TTLL11: variants seen among roughly 807,000 people sequenced by gnomAD.
TTLL11 encodes tubulin tyrosine ligase like 11.
In TTLL11, 42 loss-of-function variants were observed where a neutral mutation model predicts 51.7. The observed-to-expected ratio is 0.81, with a 90% CI of 0.64 to 1.05. The LOEUF (loss-of-function observed/expected upper bound fraction) is 1.05, where lower values mean the gene tolerates loss of function less well. Ranked by LOEUF, TTLL11 falls within the 50% of genes least tolerant of loss-of-function variation. TTLL11 has a pLI of 0.00. For synonymous variants in TTLL11, 381 were observed against 383.5 expected, an observed-to-expected ratio of 0.99 and a Z score of 0.08; for missense variants, 799 against 940.4, an observed-to-expected ratio of 0.85 and a Z score of 1.97.
At chr9:121,979,777 C>G (rs1390866100) in intron 4 of TTLL11, among the ~76,000 whole-genome samples, 2 of 152,072 alleles carry the variant, frequency 1.3e-5, no homozygotes, top group Middle Eastern at 3.2e-3. Flanking sequence ...CAAAATGAAG[C>G]CCAAGTCCCA....
chr9:121,940,898 A>G (rs1041327759), intron 6 of TTLL11, among the ~76,000 whole-genome samples: 1 of 152,232 alleles, frequency 6.6e-6, no homozygotes, highest in African/African-American at 2.4e-5. Context: ...TTTATTCACC[A>G]TCAAACCTAG....
intron 1 of TTLL11, among the ~76,000 whole-genome samples, chr9:122,084,388 C>G (rs1365516456): frequency 1.3e-5 from 2 of 152,112 alleles, no homozygotes; most frequent in Non-Finnish European, 2.9e-5. Flanking sequence ...AACACGCATG[C>G]AAATGGCAGC....
intron 3 of TTLL11, among the ~76,000 whole-genome samples, chr9:122,007,932 T>C (rs1588200465): frequency 1.3e-5 from 2 of 152,262 alleles, no homozygotes; most frequent in East Asian, 3.9e-4. Flanking sequence ...AGCCAAATGA[T>C]TAAAGTTGAC....
At chr9:121,931,604 AAG>A in intron 6 of TTLL11, among the ~76,000 whole-genome samples, 1 of 149,930 alleles carries the variant, frequency 6.7e-6, no homozygotes, top group Non-Finnish European at 1.5e-5. Flanking sequence ...AAAAAAAAAA[AAG>A]AAAAGAAAAG....
intron 3 of TTLL11, among the ~76,000 whole-genome samples, chr9:122,021,841 G>A (rs918512577): frequency 7.9e-5 from 12 of 152,076 alleles, no homozygotes; most frequent in African/African-American, 2.9e-4. Flanking sequence ...CCACAATGAA[G>A]AGAAAAATCA....
chr9:122,057,177 G>C (rs1845309641), intron 1 of TTLL11, among the ~76,000 whole-genome samples: 1 of 152,146 alleles, frequency 6.6e-6, no homozygotes, highest in Non-Finnish European at 1.5e-5. Context: ...GCATTTTACT[G>C]CCTGTAGATT....
intron 4 of TTLL11, among the ~76,000 whole-genome samples, chr9:121,981,667 T>G (rs536977802): frequency 3.7e-4 from 56 of 152,364 alleles, no homozygotes; most frequent in African/African-American, 1.2e-3. Context: ...GTCTTTCTTT[T>G]AAAGTGCTGG....
intron 4 of TTLL11, among the ~76,000 whole-genome samples, chr9:121,986,356 T>C (rs1588177895): frequency 6.6e-6 from 1 of 152,340 alleles, no homozygotes; most frequent in Non-Finnish European, 1.5e-5. Context: ...GCCCACATGA[T>C]AGTCCTAGAA....
chr9:121,844,183 C>T (rs994263146), intron 8 of TTLL11, among the ~76,000 whole-genome samples: 1 of 152,078 alleles, frequency 6.6e-6, no homozygotes, highest in Non-Finnish European at 1.5e-5. Flanking sequence ...ACCTTATCAC[C>T]ACATCAGCAG....
At chr9:121,925,542 C>G (rs1840698496) in intron 6 of TTLL11, among the ~76,000 whole-genome samples, 1 of 152,102 alleles carries the variant, frequency 6.6e-6, no homozygotes, top group Non-Finnish European at 1.5e-5. Context: ...TCTCCTCTTC[C>G]TCAAATGAGC....
intron 7 of TTLL11, 119 bp downstream of exon 7, chr9:121,870,378 G>C (rs1184046800): frequency 1.6e-6 from 2 of 1,283,170 alleles, no homozygotes; most frequent in Non-Finnish European, 2.1e-6. Context: ...AGCTCAAATG[G>C]GGTACTGACC....
At chr9:121,962,547 T>C (rs1371918760) in intron 6 of TTLL11, among the ~76,000 whole-genome samples, 1 of 152,242 alleles carries the variant, frequency 6.6e-6, no homozygotes, top group African/African-American at 2.4e-5. Flanking sequence ...GGTTAAACCA[T>C]ATGACATTGC....
chr9:121,971,660 G>A (rs1034367780), intron 6 of TTLL11, among the ~76,000 whole-genome samples: 3 of 143,168 alleles, frequency 2.1e-5, no homozygotes, highest in East Asian at 2.0e-4. Context: ...TTGAGAAATC[G>A]GATGGTTGCC....
At chr9:122,079,716 A>G in intron 1 of TTLL11, among the ~76,000 whole-genome samples, 1 of 152,094 alleles carries the variant, frequency 6.6e-6, no homozygotes, top group East Asian at 1.9e-4. Flanking sequence ...CTCAAAAAAA[A>G]AAAAAGAAAT....
chr9:121,894,026 C>T (rs555201196), intron 6 of TTLL11, among the ~76,000 whole-genome samples: 4 of 152,290 alleles, frequency 2.6e-5, no homozygotes, highest in Admixed American at 6.5e-5. Context: ...CTGGATTCCA[C>T]GTTTCACCAA....
intron 6 of TTLL11, among the ~76,000 whole-genome samples, chr9:121,906,189 A>G (rs1341542204): frequency 6.6e-6 from 1 of 152,138 alleles, no homozygotes; most frequent in African/African-American, 2.4e-5. Context: ...ATCTCTAATT[A>G]TTTTTTAGAC....
At chr9:121,870,360 C>T in intron 7 of TTLL11, 137 bp downstream of exon 7, 2 of 1,150,022 alleles carry the variant, frequency 1.7e-6, no homozygotes, top group Non-Finnish European at 2.4e-6. Flanking sequence ...AGCCACTAGG[C>T]TAATCCAAGC....
chr9:121,969,678 C>T (rs1209144882), intron 6 of TTLL11, among the ~76,000 whole-genome samples: 1 of 152,134 alleles, frequency 6.6e-6, no homozygotes, highest in African/African-American at 2.4e-5. Flanking sequence ...GCTGGGATTC[C>T]ATTTGTTTTT....
At chr9:121,940,047 G>A (rs987322637) in intron 6 of TTLL11, among the ~76,000 whole-genome samples, 1 of 152,146 alleles carries the variant, frequency 6.6e-6, no homozygotes, top group Non-Finnish European at 1.5e-5. Flanking sequence ...GTTCTGAGAG[G>A]ACTGCCTTGC....
Sources: gnomAD v4.1 joint callset for allele counts (sites outside exome capture counted in the v4.1 genomes callset) on GRCh38, gnomAD v4.1.1 for gene constraint, MANE v1.5 for transcripts, NCBI Gene and HGNC (gene_info 2026-07-23, HGNC 2026-07-21) for gene names.